Variants in BDP1 observed in about 807,000 individuals in gnomAD.
The protein encoded by BDP1 is transcription factor TFIIIB component B'' homolog.
BDP1 carries 169 observed loss-of-function variants against 266.6 expected under a neutral mutation model. The ratio of observed to expected loss-of-function variants is 0.63; its 90% CI spans 0.56 to 0.72. The LOEUF is 0.72. Ranked by LOEUF, BDP1 falls within the 30% of genes least tolerant of loss-of-function variation. BDP1 has a pLI of 0.00. For synonymous variants in BDP1, 1,090 were observed against 1,022.4 expected, an observed-to-expected ratio of 1.07 and a Z score of -1.26; for missense variants, 3,015 against 3,053.8, an observed-to-expected ratio of 0.99 and a Z score of 0.30.
chr5:71,523,024 GAACAA>G, intron 24 of BDP1, 75 bp downstream of exon 24: 3 of 1,345,654 alleles, frequency 2.2e-6, no homozygotes, highest in Non-Finnish European at 3.0e-6. Flanking sequence ...CTTACTGGTA[GAACAA>G]AATTTTTGGG....
chr5:71,513,471 T>A, intron 19 of BDP1, 64 bp downstream of exon 19: 1 of 930,244 alleles, frequency 1.1e-6, no homozygotes, highest in Non-Finnish European at 1.6e-6. Flanking sequence ...TTATTAGGAC[T>A]ACTAAAAGCA....
At chr5:71,576,996 G>A in the BDP1 span, among the ~76,000 whole-genome samples, 1 of 152,194 alleles carries the variant, frequency 6.6e-6, no homozygotes, top group African/African-American at 2.4e-5. Flanking sequence ...TTTACAGTTT[G>A]TGTTTTTAAT....
At chr5:71,514,701 G>A (rs567450183) in intron 19 of BDP1, among the ~76,000 whole-genome samples, 3 of 151,844 alleles carry the variant, frequency 2.0e-5, no homozygotes, top group South Asian at 4.1e-4. Context: ...TGATTTTTTT[G>A]TTTGTCTTTT....
In BDP1 at chr5:71,491,009, G is replaced by A. The variant is rs1375860513; in HGVS notation, c.1518G>A (p.Glu506=). The change falls in exon 11 of 39, where the codon GAG becomes GAA. Residue 506 remains glutamate, a synonymous_variant. Coordinates refer to ENST00000358731, the MANE Select transcript of BDP1 (RefSeq NM_018429.3). ...HKNKCQAIRP[E]LKEGECSKEQ... is the part of the protein sequence containing the mutation. ...ATAAATGTCAGGCTATAAGGCCTGA[G>A]CTAAAGGAAGGTGAATGCAGTAAGG... The A allele has an allele frequency of 6.2e-7, 1 of 1,612,534 alleles. No individual in the cohort carries two copies. The highest frequency in any genetic ancestry group is 8.5e-7 in the Non-Finnish European group (1 of 1,179,260).
At chr5:71,536,071 A>G (rs1423381014) in intron 26 of BDP1, among the ~76,000 whole-genome samples, 1 of 152,106 alleles carries the variant, frequency 6.6e-6, no homozygotes, top group Non-Finnish European at 1.5e-5. Context: ...GCTAGAACCT[A>G]TAGTTCAAAG....
At position 71,515,108 on chromosome 5, in the gene BDP1, A is replaced by C. The variant is rs751555636; in HGVS notation, c.4635A>C (p.Ser1545=). 5 of 1,596,160 alleles carry C rather than the reference A, an allele frequency of 3.1e-6. No homozygotes were observed. Among genetic ancestry groups the C allele is most frequent in the Non-Finnish European group, 3.4e-6 (4 of 1,174,666 alleles). ...CAGCACCAGTCCAGAAAAATGACTC[A>C]GTTGTTTCTGTGGGGTAAACAGTGA... is the stretch of plus-strand genomic sequence containing the variant. The part of the protein sequence containing the change: ...SQSAPVQKND[S]VVSVGTNNVN... Residue 1545 remains serine (S), a synonymous_variant, in exon 20 of 39, where the codon TCA becomes TCC. Transcript: ENST00000358731.
intron 7 of BDP1, among the ~76,000 whole-genome samples, chr5:71,479,748 G>C (rs1016513551): frequency 6.6e-4 from 98 of 149,558 alleles, no homozygotes; most frequent in African/African-American, 2.3e-3. Flanking sequence ...GGGTTTCACT[G>C]TGTTAGCCAG....
chr5:71,525,813 G>A (rs573025325), intron 25 of BDP1, among the ~76,000 whole-genome samples: 1 of 152,110 alleles, frequency 6.6e-6, no homozygotes, highest in South Asian at 2.1e-4. Context: ...TGGCTGCTGG[G>A]CGGAGGGGCT....
rs150689771 is a variant in BDP1, at chr5:71,564,656, C to T, written c.7744-98C>T. ...ATTTATTGCCACGTTGCTTTTCAAA[C>T]AGATCATATTGGTTTAGACTGCTAT... On this transcript the variant is annotated intron_variant, in intron 38 of 38. Coordinates refer to ENST00000358731, the MANE Select transcript of BDP1 (RefSeq NM_018429.3). The T allele has an allele frequency of 5.2e-5, 57 of 1,097,256 alleles. No individual in the cohort carries two copies. The East Asian group carries it at 1.6e-3, about 31-fold the overall frequency. The allele number at this position is 1,097,256 out of a possible 1,614,324, so 68.0% of individuals were successfully genotyped here. A position where few individuals can be genotyped will look rare whatever the true frequency, so the allele number is the denominator to read the frequency against.
rs1269891514 is a variant in BDP1 at position 71,539,053 on chromosome 5, A to G, written c.5904A>G (p.Thr1968=). 2 of 1,603,450 alleles carry G rather than the reference A, an allele frequency of 1.2e-6. No individual in the cohort carries two copies. The highest frequency in any genetic ancestry group is 2.7e-5 in the African/African-American group (2 of 74,638). The change falls in exon 27 of 39, where the codon ACA becomes ACG. Residue 1968 remains threonine (T), a synonymous_variant. Transcript: ENST00000358731. Reference sequence around the variant, plus strand: ...TTTTTCCTTTTTAGGAAATGACCACAAGTGAACATATCCAAGATGAACCAG... The same window carrying G: ...TTTTTCCTTTTTAGGAAATGACCACGAGTGAACATATCCAAGATGAACCAG... ...ENLSVPFEMT[T]SEHIQDEPGT...
chr5:71,564,546 A>G (rs1463035596), intron 38 of BDP1, among the ~76,000 whole-genome samples: 1 of 151,996 alleles, frequency 6.6e-6, no homozygotes, highest in Non-Finnish European at 1.5e-5. Context: ...TAAAACTCCT[A>G]CTATGTTTAG....
chr5:71,487,979 A>G (rs1054597611), intron 9 of BDP1, among the ~76,000 whole-genome samples: 4 of 152,182 alleles, frequency 2.6e-5, no homozygotes, highest in Non-Finnish European at 5.9e-5. Flanking sequence ...CTTCTGGGGC[A>G]TATCTTTTAA....
chr5:71,544,315 G>A, intron 30 of BDP1, 42 bp from the exon 31 acceptor site: 1 of 1,566,374 alleles, frequency 6.4e-7, no homozygotes, highest in Admixed American at 1.9e-5. Context: ...GATTTTAGCT[G>A]TATTATTTTG....
chr5:71,509,593 T>G lies in BDP1; in HGVS notation c.2501T>G (p.Leu834Arg), dbSNP rs757788492. The G allele has an allele frequency of 1.2e-4, 191 of 1,613,904 alleles. No homozygotes were observed. The highest frequency in any genetic ancestry group is 1.6e-4 in the Middle Eastern group (1 of 6,062). The change falls in exon 17 of 39, where the codon CTA becomes CGA. Residue 834 changes from leucine (L) to arginine (R), a missense_variant. Physicochemically the swap from Leu to Arg is moderately radical, Grantham distance 102. Transcript: ENST00000358731. Reference sequence around the variant, plus strand: ...GAAATTTCCTCAAAGGAAGAGGTACTAGAGAAGATTCTTGTCTCTGGGGAA... The same window carrying G: ...GAAATTTCCTCAAAGGAAGAGGTACGAGAGAAGATTCTTGTCTCTGGGGAA... ...RREISSKEEV[L>R]EKILVSGEMA...
At chr5:71,460,688 T>C (rs1761499176) in intron 2 of BDP1, among the ~76,000 whole-genome samples, 1 of 152,128 alleles carries the variant, frequency 6.6e-6, no homozygotes, top group Non-Finnish European at 1.5e-5. Flanking sequence ...CATTCCAGCC[T>C]GGGCGACAGA....
downstream of BDP1, among the ~76,000 whole-genome samples, chr5:71,569,177 A>C (rs535672300): frequency 6.6e-6 from 1 of 152,368 alleles, no homozygotes; most frequent in South Asian, 2.1e-4. Flanking sequence ...TTCTGTGTCC[A>C]AGTGGTATCC....
At chr5:71,521,620 G>C (rs1765500410) in intron 22 of BDP1, among the ~76,000 whole-genome samples, 1 of 152,134 alleles carries the variant, frequency 6.6e-6, no homozygotes, top group Non-Finnish European at 1.5e-5. Flanking sequence ...TCCTAATTCA[G>C]ATCTTTGCCA....
intron 1 of BDP1, among the ~76,000 whole-genome samples, chr5:71,458,281 T>C (rs1761318806): frequency 1.3e-5 from 2 of 152,112 alleles, no homozygotes; most frequent in Non-Finnish European, 2.9e-5. Flanking sequence ...GACTAAGCTT[T>C]GTTCTGTAAG....
At position 71,466,292 on chromosome 5, in the gene BDP1, T is replaced by C; in HGVS notation, c.785+71T>C. 5 of 1,535,860 alleles carry C rather than the reference T, an allele frequency of 3.3e-6. No homozygotes were observed. In the East Asian group the frequency reaches 1.1e-4, roughly 35 times the overall value. ...AACATGCTTTGTCTAGTGAAAGAGG[T>C]CCTCTTTCTGTATTGGCCTTTGTCA... On this transcript the variant is annotated intron_variant, in intron 5 of 38. Transcript: ENST00000358731.
Sources: allele counts gnomAD v4.1 joint callset (sites outside exome capture counted in the v4.1 genomes callset), GRCh38; gene constraint gnomAD v4.1.1; transcripts MANE v1.5; gene names NCBI Gene and HGNC (gene_info 2026-07-23, HGNC 2026-07-21).